Variants in CNN2 observed in about 807,000 individuals in gnomAD.
CNN2 encodes calponin-2.
A neutral mutation model predicts 31.0 loss-of-function variants in CNN2; 21 were observed. The observed-to-expected ratio is 0.68, with a 90% CI of 0.48 to 0.98. The LOEUF (loss-of-function observed/expected upper bound fraction) is 0.98, where lower values mean the gene tolerates loss of function less well. CNN2 is among the 50% of genes least tolerant of loss of function. The pLI, the probability that CNN2 is intolerant of heterozygous loss-of-function variation, is 0.00. For missense variants in CNN2, 399 were observed against 427.3 expected (o/e 0.93, Z 0.58); for synonymous variants, 165 against 179.6 (o/e 0.92, Z 0.65).
At chr19:1,035,159 T>G (rs1243669422) in intron 4 of CNN2, among the ~76,000 whole-genome samples, 13 of 90,228 alleles carry the variant, frequency 1.4e-4, no homozygotes, top group South Asian at 7.8e-4. Flanking sequence ...GGAGCGTGGG[T>G]GGGACGGTGT....
In CNN2 at chr19:1,037,852, G is replaced by T. The variant is rs1213421357; in HGVS notation, c.882G>T (p.Gly294=). The change falls in exon 7 of 7, where the codon GGG becomes GGT. Residue 294 remains glycine (G), a synonymous_variant. Transcript: ENST00000263097. The stretch of plus-strand genomic sequence containing the variant: ...GCACCGGCGACTGCCCGGACCCGGG[G>T]GAGGTCCCTGAATATCCCCCTTACT... ...PSGTGDCPDP[G]EVPEYPPYYQ... 4 of 1,604,020 alleles carry T rather than the reference G, an allele frequency of 2.5e-6. No individual in the cohort carries two copies. In the Admixed American group the frequency reaches 5.0e-5, roughly 20 times the overall value.
intron 6 of CNN2, 67 bp from the exon 7 acceptor site, chr19:1,037,558 C>A: frequency 1.9e-6 from 3 of 1,566,940 alleles, no homozygotes; most frequent in Non-Finnish European, 2.6e-6. Flanking sequence ...AGGCGTGAGC[C>A]AGTGCACCCA....
At position 1,036,231 on chromosome 19, in the gene CNN2, C is replaced by A; in HGVS notation, c.492C>A (p.Cys164Ter). The A allele has an allele frequency of 6.3e-7, 1 of 1,594,200 alleles. No homozygotes were observed. Among genetic ancestry groups the A allele is most frequent in the Non-Finnish European group, 8.6e-7 (1 of 1,169,368 alleles). The change falls in exon 5 of 7, where the codon TGC (cysteine) becomes TGA (stop). Residue 164 changes from cysteine (C) to a stop codon, truncating the protein, a stop_gained. Transcript: ENST00000263097. LOFTEE classifies it high-confidence loss of function. ...ATGCCACCATGAAGGCTGGCCAGTGCGTCATCGGGCTGCAGGTGGGCGACA... is the reference window on the plus strand; with the variant it reads ...ATGCCACCATGAAGGCTGGCCAGTGAGTCATCGGGCTGCAGGTGGGCGACA... ...FDDATMKAGQCVIGLQMGTNK... is the reference protein window; with the variant it reads ...FDDATMKAGQ
intron 2 of CNN2, 121 bp from the exon 3 acceptor site, chr19:1,032,271 G>T: frequency 2.7e-6 from 3 of 1,115,336 alleles, no homozygotes; most frequent in Non-Finnish European, 3.9e-6. Context: ...CTGAGGCCCA[G>T]AGAGAGGCCG....
Position 1,038,080 on chromosome 19 carries a change from C to A in CNN2, c.*180C>A. On this transcript the variant is annotated 3_prime_UTR_variant, in exon 7 of 7. Coordinates refer to ENST00000263097, the MANE Select transcript of CNN2 (RefSeq NM_004368.4). ...TTTTCCCCTTTGCCTTGATCCTTCGCAAGGCTGAGCCACTGGGCTGTGGGG... is the reference window on the plus strand; with the variant it reads ...TTTTCCCCTTTGCCTTGATCCTTCGAAAGGCTGAGCCACTGGGCTGTGGGG... 1 of 646,466 alleles carries A rather than the reference C, an allele frequency of 1.5e-6. No homozygotes were observed. Among genetic ancestry groups the A allele is most frequent in the East Asian group, 2.8e-5 (1 of 35,368 alleles). The allele number at this position is 646,466 out of a possible 1,614,324, so 40.0% of individuals were successfully genotyped here.
Position 1,032,552 on chromosome 19 carries a change from T to C in CNN2, c.253-7T>C, listed in dbSNP as rs775186343. The C allele has an allele frequency of 6.2e-7, 1 of 1,613,222 alleles. No homozygotes were observed. The highest frequency in any genetic ancestry group is 8.5e-7 in the Non-Finnish European group (1 of 1,179,808). On this transcript the variant is annotated splice_region_variant and splice_polypyrimidine_tract_variant and intron_variant, in intron 3 of 6. Coordinates refer to ENST00000263097, the MANE Select transcript of CNN2 (RefSeq NM_004368.4). ...CCACTCACTGTCCCTCTCCTGCCTC[T>C]TCCCAGCTAGAAAACCTGTCCAACT...
At chr19:1,032,513 G>A in intron 3 of CNN2, 46 bp from the exon 4 acceptor site, 1 of 1,613,504 alleles carries the variant, frequency 6.2e-7, no homozygotes, top group Non-Finnish European at 8.5e-7. Flanking sequence ...TCTAACAGGT[G>A]GGGAGACTGA....
In CNN2 at chr19:1,036,178, T is replaced by G. The variant is rs1256951109; in HGVS notation, c.439T>G (p.Ser147Ala). ...CGGGGTGGACATTGGCGTCAAGTACTCGGAGAAGCAGGAGCGGAATTTCGA... is the reference window on the plus strand; with the variant it reads ...CGGGGTGGACATTGGCGTCAAGTACGCGGAGAAGCAGGAGCGGAATTTCGA... Reference protein sequence around the residue: ...QSGVDIGVKYSEKQERNFDDA... With the variant: ...QSGVDIGVKYAEKQERNFDDA... Residue 147 changes from serine (S) to alanine (A), a missense_variant, in exon 5 of 7, where the codon TCG (serine) becomes GCG (alanine). Transcript: ENST00000263097. 2.5e-6 allele frequency: 4 copies of G among 1,612,518 alleles called. 1 individual carries two copies. In the East Asian group the frequency reaches 8.9e-5, roughly 36 times the overall value.
chr19:1,033,074 C>T (rs919352217), intron 4 of CNN2, among the ~76,000 whole-genome samples: 6 of 151,940 alleles, frequency 3.9e-5, no homozygotes, highest in Admixed American at 1.3e-4. Context: ...CCCCTGTGCC[C>T]GGCCTCGTTT....
chr19:1,037,231 G>A (rs1217951685), intron 6 of CNN2: 2 of 223,570 alleles, frequency 8.9e-6, no homozygotes, highest in Non-Finnish European at 1.8e-5. Context: ...TTGAACTCCT[G>A]ACCTCAGGTG....
intron 1 of CNN2, among the ~76,000 whole-genome samples, chr19:1,027,892 C>T (rs988895739): frequency 1.3e-5 from 2 of 152,230 alleles, no homozygotes; most frequent in Admixed American, 1.3e-4. Context: ...AGGGAGAATT[C>T]CTGCTTCCCC....
intron 1 of CNN2, among the ~76,000 whole-genome samples, chr19:1,030,036 C>T (rs551844553): frequency 4.6e-5 from 7 of 152,242 alleles, no homozygotes; most frequent in Admixed American, 1.3e-4. Context: ...GTTTATCTCC[C>T]GCTCCCGCTA....
intron 1 of CNN2, among the ~76,000 whole-genome samples, chr19:1,030,025 C>T (rs746880728): frequency 2.0e-5 from 3 of 152,054 alleles, no homozygotes; most frequent in African/African-American, 4.8e-5. Context: ...CTCCCTCCAG[C>T]GTTTATCTCC....
At position 1,032,383 on chromosome 19, in the gene CNN2, G is replaced by A; in HGVS notation, c.186-9G>A. The A allele has an allele frequency of 6.2e-7, 1 of 1,613,366 alleles. No homozygotes were observed. The highest frequency in any genetic ancestry group is 1.1e-5 in the South Asian group (1 of 91,054). On this transcript the variant is annotated splice_polypyrimidine_tract_variant and intron_variant, in intron 2 of 6. Transcript: ENST00000263097. ...TTCTGTTTCCCCCGCCCCATGTTGT[G>A]CCCTCCAGACTCATGAACAAGCTAC...
chr19:1,036,354 T>G (rs991548596), intron 5 of CNN2, 62 bp from the exon 6 acceptor site: 39 of 1,591,318 alleles, frequency 2.5e-5, no homozygotes, highest in Non-Finnish European at 3.1e-5. Flanking sequence ...GTCCCTCAAT[T>G]TCAGGGAGGG....
intron 6 of CNN2, chr19:1,037,201 C>T: frequency 5.1e-6 from 1 of 196,888 alleles, no homozygotes; most frequent in South Asian, 7.7e-5. Flanking sequence ...CGGGGTTTCA[C>T]TGTGTTGGTC....
intron 6 of CNN2, 178 bp downstream of exon 6, chr19:1,036,740 C>T: frequency 1.3e-6 from 1 of 742,070 alleles, no homozygotes; most frequent in South Asian, 1.6e-5. Context: ...CAGCCTCTGT[C>T]ATTTCCACCT....
At chr19:1,036,689 C>T in intron 6 of CNN2, 127 bp downstream of exon 6, 1 of 1,157,512 alleles carries the variant, frequency 8.6e-7, no homozygotes, top group Admixed American at 1.8e-5. Context: ...CCTAGACCAC[C>T]TCCGGCTTCC....
At position 1,037,756 on chromosome 19, in the gene CNN2, C is replaced by T. The variant is rs575306222; in HGVS notation, c.786C>T (p.Phe262=). The part of the protein sequence containing the change: ...TQGANQSGQV[F]GLGRQIYDPK... ...GCGCCAACCAGAGCGGCCAGGTCTTCGGCCTGGGCCGGCAGATATATGACC... is the reference window on the plus strand; with the variant it reads ...GCGCCAACCAGAGCGGCCAGGTCTTTGGCCTGGGCCGGCAGATATATGACC... Residue 262 remains phenylalanine (F), a synonymous_variant, in exon 7 of 7, where the codon TTC becomes TTT. Transcript: ENST00000263097. 17 of 1,611,652 alleles carry T rather than the reference C, an allele frequency of 1.1e-5. No individual in the cohort carries two copies. In the East Asian group the frequency reaches 2.2e-4, roughly 21 times the overall value.
Sources: allele counts gnomAD v4.1 joint callset (sites outside exome capture counted in the v4.1 genomes callset), GRCh38; gene constraint gnomAD v4.1.1; transcripts MANE v1.5; gene names NCBI Gene and HGNC (gene_info 2026-07-23, HGNC 2026-07-21).